ERVV-1: variants seen among roughly 807,000 people sequenced by gnomAD.
The protein encoded by ERVV-1 is endogenous retrovirus group V member 1 Env polyprotein.
For synonymous variants in ERVV-1, 59 were observed against 170.2 expected (o/e 0.35, Z 5.09); for missense variants, 150 against 456.5 (o/e 0.33, Z 6.12).
At position 53,015,770 on chromosome 19, in the gene ERVV-1, C is replaced by G. The variant is rs960551113; in HGVS notation, c.*246C>G. On this transcript the variant is annotated 3_prime_UTR_variant, in exon 1 of 1. Coordinates refer to ENST00000602168, the MANE Select transcript of ERVV-1 (RefSeq NM_152473.3). ...GGAAGTAGTTACAGAAGACCCACGA[C>G]GTCCTTATGCCCAAAGCTTTTCAGG... The G allele has an allele frequency of 2.3e-6, 1 of 435,648 alleles. No individual in the cohort carries two copies. The highest frequency in any genetic ancestry group is 2.1e-5 in the African/African-American group (1 of 48,778). 27.0% of individuals were successfully genotyped at this position (435,648 alleles called of 1,614,324 possible). A position where few individuals can be genotyped will look rare whatever the true frequency, so the allele number is the denominator to read the frequency against.
In ERVV-1 at chr19:53,014,059, T is replaced by C. The variant is rs370383096; in HGVS notation, c.-32T>C. 178,085 of 1,391,530 alleles carry C rather than the reference T, an allele frequency of 0.13. 12 individuals carry two copies. The highest frequency in any genetic ancestry group is 0.16 in the Admixed American group (7,524 of 46,098). 86.2% of individuals were successfully genotyped at this position (1,391,530 alleles called of 1,614,324 possible). Reference sequence around the variant, plus strand: ...CTCTCCTATTTTCAGCACTTTCCTTTTGCTTTCACAAAGCTTAAGGGAGAA... The same window carrying C: ...CTCTCCTATTTTCAGCACTTTCCTTCTGCTTTCACAAAGCTTAAGGGAGAA... On this transcript the variant is annotated 5_prime_UTR_variant, in exon 1 of 1. Transcript: ENST00000602168.
rs538575630 is a variant in ERVV-1, at chr19:53,015,384, A to G, written c.1294A>G (p.Asn432Asp). Residue 432 changes from asparagine to aspartate, a missense_variant, in exon 1 of 1, where the codon AAC (asparagine) becomes GAC (aspartate). Coordinates refer to ENST00000602168, the MANE Select transcript of ERVV-1 (RefSeq NM_152473.3). ...CTATGATGAGGTTACGTGGCTCCAT[A>G]ACTTTGGAAAAGGTGATTCAGCAGG... ...KIYDEVTWLH[N>D]FGKGDSAGSI... 4.9e-4 allele frequency: 342 copies of G among 703,516 alleles called. No homozygotes were observed. Among genetic ancestry groups the G allele is most frequent in the Non-Finnish European group, 8.0e-4 (308 of 385,620 alleles). The allele number at this position is 703,516 out of a possible 1,614,324, so 43.6% of individuals were successfully genotyped here.
chr19:53,015,601 A>G lies in ERVV-1; in HGVS notation c.*77A>G, dbSNP rs371052112. ...CCTAAAAATGGAAAGAGATCATCCA[A>G]TCTTCCTTGGAGGTCCCAGCACCTA... On this transcript the variant is annotated 3_prime_UTR_variant, in exon 1 of 1. Coordinates refer to ENST00000602168, the MANE Select transcript of ERVV-1 (RefSeq NM_152473.3). 6.6e-6 allele frequency: 4 copies of G among 609,306 alleles called. No homozygotes were observed. The South Asian group carries it at 7.9e-5, about 12-fold the overall frequency. The allele number at this position is 609,306 out of a possible 1,614,324, so 37.7% of individuals were successfully genotyped here.
Position 53,014,713 on chromosome 19 carries a change from C to A in ERVV-1, c.623C>A (p.Thr208Lys), listed in dbSNP as rs1379275881. 6.5e-7 allele frequency: 1 copy of A among 1,531,564 alleles called. No homozygotes were observed. Among genetic ancestry groups the A allele is most frequent in the South Asian group, 1.2e-5 (1 of 84,046 alleles). 94.9% of individuals were successfully genotyped at this position (1,531,564 alleles called of 1,614,324 possible). Residue 208 changes from threonine (T) to lysine (K), a missense_variant, in exon 1 of 1, where the codon ACA becomes AAA. Physicochemically the swap from Thr to Lys is moderately conservative, Grantham distance 78. Coordinates refer to ENST00000602168, the MANE Select transcript of ERVV-1 (RefSeq NM_152473.3). ...YLLPKAHTVP[T>K]WPKSTVPLGG... ...CTTCCCAAGGCACACACTGTCCCCA[C>A]ATGGCCAAAATCTACTGTTCCCCTG...
chr19:53,015,370 T>G lies in ERVV-1; in HGVS notation c.1280T>G (p.Val427Gly). The G allele has an allele frequency of 1.4e-6, 1 of 704,068 alleles. No individual in the cohort carries two copies. The highest frequency in any genetic ancestry group is 1.5e-5 in the South Asian group (1 of 67,608). The allele number at this position is 704,068 out of a possible 1,614,324, so 43.6% of individuals were successfully genotyped here. Residue 427 changes from valine (V) to glycine (G), a missense_variant, in exon 1 of 1, where the codon GTT (valine) becomes GGT (glycine). Val to Gly is a moderately radical substitution (Grantham distance 109, BLOSUM62 -3). Coordinates refer to ENST00000602168, the MANE Select transcript of ERVV-1 (RefSeq NM_152473.3). ...GATATAAAAAAGATCTATGATGAGGTTACGTGGCTCCATAACTTTGGAAAA... is the reference window on the plus strand; with the variant it reads ...GATATAAAAAAGATCTATGATGAGGGTACGTGGCTCCATAACTTTGGAAAA... Reference protein sequence around the residue: ...EEDIKKIYDEVTWLHNFGKGD... With the variant: ...EEDIKKIYDEGTWLHNFGKGD...
Position 53,015,532 on chromosome 19 carries a change from A to G in ERVV-1, c.*8A>G, listed in dbSNP as rs2083784445. 1 of 629,860 alleles carries G rather than the reference A, an allele frequency of 1.6e-6. No individual in the cohort carries two copies. The highest frequency in any genetic ancestry group is 2.7e-5 in the Admixed American group (1 of 37,690). 39.0% of individuals were successfully genotyped at this position (629,860 alleles called of 1,614,324 possible). ...TGGCCCTTGTCTCTATAATTCACTA[A>G]TTAAATATGTCTCTTCCAGGATATG... On this transcript the variant is annotated 3_prime_UTR_variant, in exon 1 of 1. Coordinates refer to ENST00000602168, the MANE Select transcript of ERVV-1 (RefSeq NM_152473.3).
At position 53,016,122 on chromosome 19, in the gene ERVV-1, A is replaced by C. The variant is rs1012467651; in HGVS notation, c.*598A>C. On this transcript the variant is annotated 3_prime_UTR_variant, in exon 1 of 1. Transcript: ENST00000602168. ...TTTGTTCATTAAAATAATAAAAAAA[A>C]CCACACACCTGTGTGGAGATTTTAT... The C allele has an allele frequency of 2.0e-5, 3 of 152,306 alleles. No individual in the cohort carries two copies. Among genetic ancestry groups the C allele is most frequent in the Admixed American group, 1.3e-4 (2 of 15,286 alleles). The allele number at this position is 152,306 out of a possible 1,614,324, so 9.4% of individuals were successfully genotyped here. A position where few individuals can be genotyped will look rare whatever the true frequency, so the allele number is the denominator to read the frequency against.
rs1410017385 is a variant in ERVV-1, at chr19:53,015,123, C to G, written c.1033C>G (p.His345Asp). The G allele has an allele frequency of 1.1e-6, 1 of 871,248 alleles. No homozygotes were observed. 54.0% of individuals were successfully genotyped at this position (871,248 alleles called of 1,614,324 possible). A position where few individuals can be genotyped will look rare whatever the true frequency, so the allele number is the denominator to read the frequency against. The change falls in exon 1 of 1, where the codon CAT (histidine) becomes GAT (aspartate). Residue 345 changes from histidine to aspartate, a missense_variant. His to Asp is a moderately conservative substitution (Grantham distance 81). Transcript: ENST00000602168. The part of the protein sequence containing the change: ...MIAPWGGFTY[H>D]DVTLRNLSRQ... Reference sequence around the variant, plus strand: ...CGCCCCATGGGGAGGGTTCACTTATCATGATGTCACCCTCAGAAATCTCTC... The same window carrying G: ...CGCCCCATGGGGAGGGTTCACTTATGATGATGTCACCCTCAGAAATCTCTC...
rs2083782759 is a variant in ERVV-1 at position 53,015,259 on chromosome 19, A to T, written c.1169A>T (p.Tyr390Phe). Residue 390 changes from tyrosine to phenylalanine, a missense_variant, in exon 1 of 1, where the codon TAC (tyrosine) becomes TTC (phenylalanine). Physicochemically the swap from Tyr to Phe is conservative, Grantham distance 22. Transcript: ENST00000602168. ...ATGAACAACAGATTGGCCTTAGATT[A>T]CCTCTTAGCAGAGCAGGGTGGAGTC... ...VVMNNRLALDYLLAEQGGVCA... is the reference protein window; with the variant it reads ...VVMNNRLALDFLLAEQGGVCA... 1 of 744,804 alleles carries T rather than the reference A, an allele frequency of 1.3e-6. No homozygotes were observed. The highest frequency in any genetic ancestry group is 2.2e-4 in the Middle Eastern group (1 of 4,456). 46.1% of individuals were successfully genotyped at this position (744,804 alleles called of 1,614,324 possible).
Position 53,014,627 on chromosome 19 carries a change from C to T in ERVV-1, c.537C>T (p.Pro179=). Residue 179 remains proline, a synonymous_variant, in exon 1 of 1, where the codon CCC becomes CCT. Coordinates refer to ENST00000602168, the MANE Select transcript of ERVV-1 (RefSeq NM_152473.3). ...TGAACGATTATCGAGACAAGTCACC[C>T]CAAAACCGCTGTGCAGCTTGGGAAG... is the stretch of plus-strand genomic sequence containing the variant. ...KQMNDYRDKS[P]QNRCAAWEGK... 6.5e-7 allele frequency: 1 copy of T among 1,527,450 alleles called. No homozygotes were observed. Among genetic ancestry groups the T allele is most frequent in the Non-Finnish European group, 8.7e-7 (1 of 1,146,376 alleles). The allele number at this position is 1,527,450 out of a possible 1,614,324, so 94.6% of individuals were successfully genotyped here. A position where few individuals can be genotyped will look rare whatever the true frequency, so the allele number is the denominator to read the frequency against.
rs2083780218 is a variant in ERVV-1 at position 53,014,841 on chromosome 19, C to A, written c.751C>A (p.Pro251Thr). The change falls in exon 1 of 1, where the codon CCT (proline) becomes ACT (threonine). Residue 251 changes from proline to threonine, a missense_variant. By Grantham distance (38) the Pro-to-Thr change is conservative (BLOSUM62 -1). Transcript: ENST00000602168. ...DSHIPRWACTPPGYVFLCGPQ... is the reference protein window; with the variant it reads ...DSHIPRWACTTPGYVFLCGPQ... ...CCACATCCCCCGGTGGGCCTGTACC[C>A]CTCCTGGCTATGTATTTTTATGTGG... 1.3e-6 allele frequency: 2 copies of A among 1,534,490 alleles called. No homozygotes were observed. The highest frequency in any genetic ancestry group is 1.4e-5 in the African/African-American group (1 of 72,568).
chr19:53,015,657 G>A lies in ERVV-1; in HGVS notation c.*133G>A. On this transcript the variant is annotated 3_prime_UTR_variant, in exon 1 of 1. Transcript: ENST00000602168. ...ACATATCTCCCTTGGATGCCAGTGG[G>A]CAAAGATTCTGCAACTACGGAGGGG... 1 of 574,950 alleles carries A rather than the reference G, an allele frequency of 1.7e-6. No individual in the cohort carries two copies. The highest frequency in any genetic ancestry group is 3.1e-6 in the Non-Finnish European group (1 of 327,130). 35.6% of individuals were successfully genotyped at this position (574,950 alleles called of 1,614,324 possible).
chr19:53,015,410 G>A lies in ERVV-1; in HGVS notation c.1320G>A (p.Gly440=). Residue 440 remains glycine, a synonymous_variant, in exon 1 of 1, where the codon GGG becomes GGA. Transcript: ENST00000602168. ...ACTTTGGAAAAGGTGATTCAGCAGG[G>A]TCCATTTGGGAGGCTGTGAAGTCTG... ...LHNFGKGDSA[G]SIWEAVKSAL... is the part of the protein sequence containing the mutation. 1 of 703,208 alleles carries A rather than the reference G, an allele frequency of 1.4e-6. No individual in the cohort carries two copies. The allele number at this position is 703,208 out of a possible 1,614,324, so 43.6% of individuals were successfully genotyped here.
At position 53,015,682 on chromosome 19, in the gene ERVV-1, G is replaced by A. The variant is rs998341514; in HGVS notation, c.*158G>A. 1 of 568,354 alleles carries A rather than the reference G, an allele frequency of 1.8e-6. No homozygotes were observed. 35.2% of individuals were successfully genotyped at this position (568,354 alleles called of 1,614,324 possible). On this transcript the variant is annotated 3_prime_UTR_variant, in exon 1 of 1. Transcript: ENST00000602168. Reference sequence around the variant, plus strand: ...GCAAAGATTCTGCAACTACGGAGGGGCTCCTTCCCTGACAGAGAGCAAGAG... The same window carrying A: ...GCAAAGATTCTGCAACTACGGAGGGACTCCTTCCCTGACAGAGAGCAAGAG...
rs1195582840 is a variant in ERVV-1, at chr19:53,015,222, G to C, written c.1132G>C (p.Ala378Pro). The C allele has an allele frequency of 1.3e-6, 1 of 782,642 alleles. No homozygotes were observed. Among genetic ancestry groups the C allele is most frequent in the Admixed American group, 2.0e-5 (1 of 50,104 alleles). The allele number at this position is 782,642 out of a possible 1,614,324, so 48.5% of individuals were successfully genotyped here. A position where few individuals can be genotyped will look rare whatever the true frequency, so the allele number is the denominator to read the frequency against. The change falls in exon 1 of 1, where the codon GCA (alanine) becomes CCA (proline). Residue 378 changes from alanine (A) to proline (P), a missense_variant. Transcript: ENST00000602168. ...SKLKASIDSL[A>P]NVVMNNRLAL... ...ACTCAAGGCCTCCATAGATTCTCTA[G>C]CAAATGTAGTCATGAACAACAGATT... is the stretch of plus-strand genomic sequence containing the variant.
At position 53,015,910 on chromosome 19, in the gene ERVV-1, T is replaced by G. The variant is rs1387849488; in HGVS notation, c.*386T>G. 5.6e-6 allele frequency: 1 copy of G among 179,716 alleles called. No homozygotes were observed. Among genetic ancestry groups the G allele is most frequent in the Non-Finnish European group, 1.1e-5 (1 of 87,982 alleles). 11.1% of individuals were successfully genotyped at this position (179,716 alleles called of 1,614,324 possible). Reference sequence around the variant, plus strand: ...AAATGCAGCCCGCTGATGGCCTCCTTGGAAACGCTGCACGCTGAGTCAGCA... The same window carrying G: ...AAATGCAGCCCGCTGATGGCCTCCTGGGAAACGCTGCACGCTGAGTCAGCA... On this transcript the variant is annotated 3_prime_UTR_variant, in exon 1 of 1. Transcript: ENST00000602168.
chr19:53,015,422 G>C lies in ERVV-1; in HGVS notation c.1332G>C (p.Glu444Asp), dbSNP rs1419698588. 16 of 702,960 alleles carry C rather than the reference G, an allele frequency of 2.3e-5. No individual in the cohort carries two copies. Among genetic ancestry groups the C allele is most frequent in the Admixed American group, 1.4e-4 (7 of 49,984 alleles). The allele number at this position is 702,960 out of a possible 1,614,324, so 43.5% of individuals were successfully genotyped here. ...GKGDSAGSIW[E>D]AVKSALPSLT... ...GTGATTCAGCAGGGTCCATTTGGGAGGCTGTGAAGTCTGCCCTCCCCTCCC... is the reference window on the plus strand; with the variant it reads ...GTGATTCAGCAGGGTCCATTTGGGACGCTGTGAAGTCTGCCCTCCCCTCCC... The change falls in exon 1 of 1, where the codon GAG (glutamate) becomes GAC (aspartate). Residue 444 changes from glutamate to aspartate, a missense_variant. By Grantham distance (45) the Glu-to-Asp change is conservative. Coordinates refer to ENST00000602168, the MANE Select transcript of ERVV-1 (RefSeq NM_152473.3).
chr19:53,015,770 C>T lies in ERVV-1; in HGVS notation c.*246C>T, dbSNP rs960551113. 24 of 435,648 alleles carry T rather than the reference C, an allele frequency of 5.5e-5. No homozygotes were observed. Among genetic ancestry groups the T allele is most frequent in the Admixed American group, 2.8e-4 (7 of 25,362 alleles). 27.0% of individuals were successfully genotyped at this position (435,648 alleles called of 1,614,324 possible). Reference sequence around the variant, plus strand: ...GGAAGTAGTTACAGAAGACCCACGACGTCCTTATGCCCAAAGCTTTTCAGG... The same window carrying T: ...GGAAGTAGTTACAGAAGACCCACGATGTCCTTATGCCCAAAGCTTTTCAGG... On this transcript the variant is annotated 3_prime_UTR_variant, in exon 1 of 1. Coordinates refer to ENST00000602168, the MANE Select transcript of ERVV-1 (RefSeq NM_152473.3).
rs1354769843 is a variant in ERVV-1 at position 53,015,345 on chromosome 19, G to T, written c.1255G>T (p.Asp419Tyr). 1.4e-6 allele frequency: 1 copy of T among 705,024 alleles called. No individual in the cohort carries two copies. The highest frequency in any genetic ancestry group is 1.5e-5 in the South Asian group (1 of 67,604). The allele number at this position is 705,024 out of a possible 1,614,324, so 43.7% of individuals were successfully genotyped here. A position where few individuals can be genotyped will look rare whatever the true frequency, so the allele number is the denominator to read the frequency against. Reference sequence around the variant, plus strand: ...CAATAACAGTGGGGCGATAGAGGAGGATATAAAAAAGATCTATGATGAGGT... The same window carrying T: ...CAATAACAGTGGGGCGATAGAGGAGTATATAAAAAAGATCTATGATGAGGT... ...YVNNSGAIEE[D>Y]IKKIYDEVTW... Residue 419 changes from aspartate to tyrosine, a missense_variant, in exon 1 of 1, where the codon GAT becomes TAT. By Grantham distance (160) the Asp-to-Tyr change is radical. Coordinates refer to ENST00000602168, the MANE Select transcript of ERVV-1 (RefSeq NM_152473.3).
Sources: allele counts gnomAD v4.1 joint callset, GRCh38; gene constraint gnomAD v4.1.1; transcripts MANE v1.5; gene names NCBI Gene and HGNC (gene_info 2026-07-23, HGNC 2026-07-21).